Variants in SALL3 observed in about 807,000 individuals in gnomAD.
SALL3 encodes the protein spalt like transcription factor 3.
SALL3 carries 25 observed loss-of-function variants against 66.2 expected under a neutral mutation model. That is an observed-to-expected ratio of 0.38 (90% CI 0.28 to 0.53). SALL3 has a LOEUF of 0.53. Among genes scored for constraint, SALL3 ranks in the 20% least tolerant of loss-of-function variants. The pLI is 0.85. For missense variants in SALL3, 2,194 were observed against 1,916.5 expected (o/e 1.14, Z -2.70); for synonymous variants, 1,152 against 899.1 (o/e 1.28, Z -5.03).
In SALL3 at chr18:78,994,097, G is replaced by A. The variant is rs779599051; in HGVS notation, c.2106G>A (p.Thr702=). Residue 702 remains threonine (T), a synonymous_variant, in exon 2 of 3, where the codon ACG becomes ACA. Coordinates refer to ENST00000537592, the MANE Select transcript of SALL3 (RefSeq NM_171999.4). ...TGAAGATGCACTACCGGACGCACAC[G>A]GGGGAGCGGCCGTTCAAGTGCAAGA... is the stretch of plus-strand genomic sequence containing the variant. The part of the protein sequence containing the change: ...SALKMHYRTH[T]GERPFKCKIC... The A allele has an allele frequency of 9.9e-6, 16 of 1,612,916 alleles. No homozygotes were observed. The highest frequency in any genetic ancestry group is 1.4e-5 in the Non-Finnish European group (16 of 1,179,968).
intron 1 of SALL3, among the ~76,000 whole-genome samples, chr18:78,989,595 T>A (rs2146212136): frequency 6.6e-6 from 1 of 152,350 alleles, no homozygotes; most frequent in Non-Finnish European, 1.5e-5. Context: ...AGAAAAAGTA[T>A]TCTTTTAATA....
chr18:78,991,763 A>T (rs1018615565), intron 1 of SALL3: 13 of 344,322 alleles, frequency 3.8e-5, no homozygotes, highest in Non-Finnish European at 5.7e-5. Flanking sequence ...TAATGAGCCC[A>T]TCGAAAGCCG....
In SALL3 at chr18:78,995,061, T is replaced by C. The variant is rs1449414688; in HGVS notation, c.3070T>C (p.Leu1024=). 1.9e-6 allele frequency: 3 copies of C among 1,613,888 alleles called. No individual in the cohort carries two copies. The highest frequency in any genetic ancestry group is 2.5e-6 in the Non-Finnish European group (3 of 1,180,034). The change falls in exon 2 of 3, where the codon TTA becomes CTA. Residue 1024 remains leucine (L), a synonymous_variant. Coordinates refer to ENST00000537592, the MANE Select transcript of SALL3 (RefSeq NM_171999.4). The part of the protein sequence containing the change: ...CSTMGNLKQH[L]LTHRLKELPS... ...CACTATGGGTAATTTAAAACAGCAC[T>C]TACTGACACACAGATTGAAAGAGCT...
At position 78,979,849 on chromosome 18, in the gene SALL3, T is replaced by G. The variant is rs1438566819; in HGVS notation, c.-426T>G. The stretch of plus-strand genomic sequence containing the variant: ...GGCGCCGCGCGGACGCCGCCAAAGT[T>G]TGCTGCCTGCGCCCTGCGGAGGGAC... On this transcript the variant is annotated 5_prime_UTR_variant, in exon 1 of 3. Transcript: ENST00000537592. 1.4e-5 allele frequency among the ~76,000 whole-genome samples: 2 copies of G among 143,536 alleles called. No homozygotes were observed. Among genetic ancestry groups the G allele is most frequent in the African/African-American group, 5.0e-5 (2 of 40,068 alleles). The allele number at this position is 143,536 out of a possible 152,430, so 94.2% of individuals were successfully genotyped here.
At chr18:78,985,122 C>G (rs141538473) in intron 1 of SALL3, 2 of 152,378 alleles carry the variant, frequency 1.3e-5, no homozygotes, top group Non-Finnish European at 2.9e-5. Context: ...CCTTTGCCTG[C>G]TTTGCCCTGC....
chr18:78,993,009 G>A lies in SALL3; in HGVS notation c.1018G>A (p.Ala340Thr), dbSNP rs767137102. The change falls in exon 2 of 3, where the codon GCA becomes ACA. Residue 340 changes from alanine (A) to threonine (T), a missense_variant. Physicochemically the swap from Ala to Thr is moderately conservative, Grantham distance 58. Transcript: ENST00000537592. ...CGCAGCCTCGTCGCAGCCGCAGAGC[G>A]CATCCACGCCGCCTGCCCTGGCCCC... Reference protein sequence around the residue: ...QSAASSQPQSASTPPALAPGS... With the variant: ...QSAASSQPQSTSTPPALAPGS... 1.6e-5 allele frequency: 24 copies of A among 1,508,778 alleles called. No homozygotes were observed. Among genetic ancestry groups the A allele is most frequent in the Non-Finnish European group, 2.0e-5 (23 of 1,137,426 alleles). 93.5% of individuals were successfully genotyped at this position (1,508,778 alleles called of 1,614,324 possible).
chr18:78,989,646 G>A (rs982167996), intron 1 of SALL3, among the ~76,000 whole-genome samples: 3 of 152,132 alleles, frequency 2.0e-5, no homozygotes, highest in Non-Finnish European at 4.4e-5. Flanking sequence ...TATACTACCT[G>A]AATGTTTTTG....
intron 1 of SALL3, among the ~76,000 whole-genome samples, chr18:78,988,841 C>CT (rs774920777): frequency 1.1e-4 from 17 of 152,276 alleles, no homozygotes; most frequent in Non-Finnish European, 2.1e-4. Context: ...CTGAAATAAT[C>CT]TGAGTTGTAT....
In SALL3 at chr18:78,979,859, C is replaced by T. The variant is rs1913921782; in HGVS notation, c.-416C>T. Among the ~76,000 whole-genome samples, 1 of 144,656 alleles carries T rather than the reference C, an allele frequency of 6.9e-6. No homozygotes were observed. The highest frequency in any genetic ancestry group is 2.5e-5 in the African/African-American group (1 of 40,416). 94.9% of individuals were successfully genotyped at this position (144,656 alleles called of 152,430 possible). A position where few individuals can be genotyped will look rare whatever the true frequency, so the allele number is the denominator to read the frequency against. On this transcript the variant is annotated 5_prime_UTR_variant, in exon 1 of 3. Coordinates refer to ENST00000537592, the MANE Select transcript of SALL3 (RefSeq NM_171999.4). ...GGACGCCGCCAAAGTTTGCTGCCTG[C>T]GCCCTGCGGAGGGACGGCCACCGCG... is the stretch of plus-strand genomic sequence containing the variant.
chr18:78,986,440 T>C (rs1599174251), intron 1 of SALL3, among the ~76,000 whole-genome samples: 1 of 152,346 alleles, frequency 6.6e-6, no homozygotes, highest in East Asian at 1.9e-4. Context: ...GTCTGGAATT[T>C]CTTCTACATT....
chr18:78,990,543 A>G (rs1385106689), intron 1 of SALL3, among the ~76,000 whole-genome samples: 4 of 152,364 alleles, frequency 2.6e-5, no homozygotes, highest in Middle Eastern at 3.4e-3. Flanking sequence ...AGAATTCTCT[A>G]TTGAACTCAG....
At position 78,995,025 on chromosome 18, in the gene SALL3, C is replaced by T. The variant is rs751879304; in HGVS notation, c.3034C>T (p.Arg1012Ter). The change falls in exon 2 of 3, where the codon CGA becomes TGA. Residue 1012 changes from arginine to a stop codon, truncating the protein, a stop_gained. Coordinates refer to ENST00000537592, the MANE Select transcript of SALL3 (RefSeq NM_171999.4). LOFTEE classifies it high-confidence loss of function. ...ERPFVCALCR[R>*]GCSTMGNLKQ... ...GCCATTCGTCTGCGCGCTCTGCAGG[C>T]GAGGGTGCTCCACTATGGGTAATTT... is the stretch of plus-strand genomic sequence containing the variant. The T allele has an allele frequency of 6.2e-7, 1 of 1,613,850 alleles. No homozygotes were observed. The highest frequency in any genetic ancestry group is 1.7e-5 in the Admixed American group (1 of 60,032).
rs1914726239 is a variant in SALL3 at position 78,997,195 on chromosome 18, G to A, written c.3776G>A (p.Gly1259Glu). The A allele has an allele frequency of 6.2e-7, 1 of 1,613,904 alleles. No homozygotes were observed. Among genetic ancestry groups the A allele is most frequent in the Non-Finnish European group, 8.5e-7 (1 of 1,180,042 alleles). The change falls in exon 3 of 3, where the codon GGG becomes GAG. Residue 1259 changes from glycine to glutamate, a missense_variant. Gly to Glu is a moderately conservative substitution (Grantham distance 98). Coordinates refer to ENST00000537592, the MANE Select transcript of SALL3 (RefSeq NM_171999.4). Reference protein sequence around the residue: ...ALPPLGSMASGMDKARTGSSP... With the variant: ...ALPPLGSMASEMDKARTGSSP... ...CCCCCTCTGGGCAGCATGGCCAGTG[G>A]GATGGACAAAGCACGCACTGGCAGT...
intron 1 of SALL3, among the ~76,000 whole-genome samples, chr18:78,988,873 A>G (rs1345832402): frequency 8.5e-5 from 13 of 152,210 alleles, no homozygotes; most frequent in South Asian, 8.3e-4. Context: ...TCCTTCATTA[A>G]TAATAACCTT....
In SALL3 at chr18:78,992,738, C is replaced by T. The variant is rs779491251; in HGVS notation, c.747C>T (p.Ser249=). 82 of 1,270,012 alleles carry T rather than the reference C, an allele frequency of 6.5e-5. No individual in the cohort carries two copies. Among genetic ancestry groups the T allele is most frequent in the Non-Finnish European group, 7.8e-5 (78 of 1,005,210 alleles). 78.7% of individuals were successfully genotyped at this position (1,270,012 alleles called of 1,614,324 possible). A position where few individuals can be genotyped will look rare whatever the true frequency, so the allele number is the denominator to read the frequency against. The change falls in exon 2 of 3, where the codon AGC becomes AGT. Residue 249 remains serine, a synonymous_variant. Transcript: ENST00000537592. The stretch of plus-strand genomic sequence containing the variant: ...CACTCAGCCCCGCGGCCGCCCCGAG[C>T]GCACCGGGCCCGGCCCCCAGCCAGC... The part of the protein sequence containing the change: ...RPSLSPAAAP[S]APGPAPSQLP...
In SALL3 at chr18:78,993,091, C is replaced by G; in HGVS notation, c.1100C>G (p.Ser367Cys). 1 of 1,599,790 alleles carries G rather than the reference C, an allele frequency of 6.3e-7. No individual in the cohort carries two copies. Among genetic ancestry groups the G allele is most frequent in the Non-Finnish European group, 8.5e-7 (1 of 1,176,802 alleles). The change falls in exon 2 of 3, where the codon TCC becomes TGC. Residue 367 changes from serine (S) to cysteine (C), a missense_variant. Ser to Cys is a moderately radical substitution (Grantham distance 112). Coordinates refer to ENST00000537592, the MANE Select transcript of SALL3 (RefSeq NM_171999.4). ...CCAAGTCCGCTTCTACCTCAGACTT[C>G]CGCCAGCGGCGTCATCTTCCCCAAC... is the stretch of plus-strand genomic sequence containing the variant. ...GLPSPLLPQT[S>C]ASGVIFPNPL...
Position 78,992,415 on chromosome 18 carries a change from A to T in SALL3, c.424A>T (p.Thr142Ser). The change falls in exon 2 of 3, where the codon ACG becomes TCG. Residue 142 changes from threonine to serine, a missense_variant. Transcript: ENST00000537592. ...EPMDAEPAGD[T>S]RAPRPPPAAP... ...CATGGACGCGGAACCCGCGGGGGACACGCGCGCGCCCCGGCCCCCGCCTGC... is the reference window on the plus strand; with the variant it reads ...CATGGACGCGGAACCCGCGGGGGACTCGCGCGCGCCCCGGCCCCCGCCTGC... 1 of 1,328,766 alleles carries T rather than the reference A, an allele frequency of 7.5e-7. No homozygotes were observed. The highest frequency in any genetic ancestry group is 9.5e-7 in the Non-Finnish European group (1 of 1,047,312). 82.3% of individuals were successfully genotyped at this position (1,328,766 alleles called of 1,614,324 possible).
chr18:78,991,391 G>GT (rs1914430697), intron 1 of SALL3, among the ~76,000 whole-genome samples: 1 of 99,640 alleles, frequency 1.0e-5, no homozygotes, highest in African/African-American at 3.5e-5. Flanking sequence ...GGTGGGGGGG[G>GT]GGGAACTGCT....
chr18:78,992,649 C>T lies in SALL3; in HGVS notation c.658C>T (p.Leu220=). 3 of 1,548,526 alleles carry T rather than the reference C, an allele frequency of 1.9e-6. No homozygotes were observed. The highest frequency in any genetic ancestry group is 2.6e-6 in the Non-Finnish European group (3 of 1,153,388). Residue 220 remains leucine, a synonymous_variant, in exon 2 of 3, where the codon CTG becomes TTG. Transcript: ENST00000537592. ...CCTGCAGCAGCAGCAGATCCACCAG[C>T]TGCAGCTCATCGAGCAGATCCGCAG... is the stretch of plus-strand genomic sequence containing the variant. The part of the protein sequence containing the change: ...MALQQQQIHQ[L]QLIEQIRSQV...
Sources: gnomAD v4.1 joint callset for allele counts (sites outside exome capture counted in the v4.1 genomes callset) on GRCh38, gnomAD v4.1.1 for gene constraint, MANE v1.5 for transcripts, NCBI Gene and HGNC (gene_info 2026-07-23, HGNC 2026-07-21) for gene names.